The following UNC13C variants were observed in gnomAD, a reference collection of about 807,000 sequenced individuals.
UNC13C encodes protein unc-13 homolog C.
UNC13C carries 174 observed loss-of-function variants against 245.4 expected under a neutral mutation model. The observed-to-expected ratio is 0.71, with a 90% CI of 0.63 to 0.80. The LOEUF (loss-of-function observed/expected upper bound fraction) is 0.80, where lower values mean the gene tolerates loss of function less well. Ranked by LOEUF, UNC13C falls within the 30% of genes least tolerant of loss-of-function variation. The pLI, the probability that UNC13C is intolerant of heterozygous loss-of-function variation, is 0.00. For synonymous variants in UNC13C, 992 were observed against 895.1 expected (o/e 1.11, Z -1.93); for missense variants, 2,829 against 2,602.9 (o/e 1.09, Z -1.89).
chr15:54,169,735 T>A (rs2141281413), intron 4 of UNC13C, among the ~76,000 whole-genome samples: 1 of 152,222 alleles, frequency 6.6e-6, no homozygotes, highest in South Asian at 2.1e-4. Context: ...TTGGGACACA[T>A]CACCTCTCCT....
chr15:53,934,621 T>A, the UNC13C span, among the ~76,000 whole-genome samples: 1 of 152,186 alleles, frequency 6.6e-6, no homozygotes, highest in African/African-American at 2.4e-5. Context: ...TCGTAGAAGG[T>A]ATATGTCTTA....
intron 4 of UNC13C, among the ~76,000 whole-genome samples, chr15:54,163,812 T>A (rs186363066): frequency 4.6e-5 from 7 of 152,326 alleles, no homozygotes; most frequent in African/African-American, 1.7e-4. Flanking sequence ...TTACTTGGAA[T>A]CAGAAGAAAT....
intron 22 of UNC13C, among the ~76,000 whole-genome samples, chr15:54,506,673 G>A (rs951046716): frequency 6.6e-6 from 1 of 152,010 alleles, no homozygotes; most frequent in African/African-American, 2.4e-5. Flanking sequence ...TCTTTGGAGT[G>A]TCTCCCTCAG....
chr15:54,597,691 A>C (rs1899172557), intron 30 of UNC13C, among the ~76,000 whole-genome samples: 1 of 152,340 alleles, frequency 6.6e-6, no homozygotes, highest in East Asian at 1.9e-4. Flanking sequence ...ATTTGAGTAA[A>C]TAAATTAGTG....
rs116526467 is a variant in UNC13C at position 54,343,497 on chromosome 15, T to G, written c.4713+5008T>G. Among the ~76,000 whole-genome samples the G allele has an allele frequency of 8.4e-3, 1,283 of 152,258 alleles. 22 individuals are homozygous for G. Among genetic ancestry groups the G allele is most frequent in the African/African-American group, 0.029 (1,214 of 41,558 alleles). ...AGGTTCAGTTTCCTACTCCTCACAC[T>G]CCTGAACCAAACTGCTCTGCTCTCA... is the stretch of plus-strand genomic sequence containing the variant. On this transcript the variant is annotated intron_variant, in intron 17 of 32. Transcript: ENST00000260323.
chr15:53,929,965 T>G, the UNC13C span, among the ~76,000 whole-genome samples: 2 of 152,156 alleles, frequency 1.3e-5, no homozygotes, highest in Admixed American at 6.5e-5. Flanking sequence ...AACAAACTAC[T>G]CATAACAAAG....
chr15:54,237,157 A>G (rs2035723185), intron 6 of UNC13C, among the ~76,000 whole-genome samples: 1 of 152,228 alleles, frequency 6.6e-6, no homozygotes, highest in Non-Finnish European at 1.5e-5. Flanking sequence ...TAGATATGGA[A>G]GAATATTCTA....
chr15:54,360,206 T>C (rs1461277036), intron 17 of UNC13C, among the ~76,000 whole-genome samples: 1 of 152,062 alleles, frequency 6.6e-6, no homozygotes, highest in Non-Finnish European at 1.5e-5. Context: ...TAGTAAGACC[T>C]GTTCTGTGAC....
chr15:54,622,481 C>G, intron 31 of UNC13C, 62 bp downstream of exon 31: 1 of 1,220,650 alleles, frequency 8.2e-7, no homozygotes, highest in South Asian at 1.3e-5. Flanking sequence ...GTACTGATAT[C>G]AGCAATGTAA....
the UNC13C span, among the ~76,000 whole-genome samples, chr15:53,882,590 C>T: frequency 6.6e-6 from 1 of 151,970 alleles, no homozygotes; most frequent in Non-Finnish European, 1.5e-5. Context: ...CCATTTGGTA[C>T]GATAACAGGG....
At chr15:54,606,207 T>A (rs1191431913) in intron 30 of UNC13C, among the ~76,000 whole-genome samples, 1 of 152,234 alleles carries the variant, frequency 6.6e-6, no homozygotes, top group East Asian at 1.9e-4. Context: ...TCTCTGAAGT[T>A]GAATCAATAT....
chr15:53,862,846 T>G, the UNC13C span, among the ~76,000 whole-genome samples: 1 of 152,096 alleles, frequency 6.6e-6, no homozygotes. Flanking sequence ...AGCATATGAT[T>G]TGAGGGGTAA....
chr15:54,033,620 A>T (rs1036811441), intron 2 of UNC13C, among the ~76,000 whole-genome samples: 1 of 152,178 alleles, frequency 6.6e-6, no homozygotes, highest in Non-Finnish European at 1.5e-5. Flanking sequence ...AATCCCCTAA[A>T]GTTTTGGAGA....
At chr15:54,618,344 T>C (rs1301650239) in intron 30 of UNC13C, among the ~76,000 whole-genome samples, 1 of 152,140 alleles carries the variant, frequency 6.6e-6, no homozygotes, top group East Asian at 1.9e-4. Flanking sequence ...AAGGGCATGT[T>C]GTAGACACAC....
At chr15:54,365,775 A>T (rs920376663) in intron 17 of UNC13C, among the ~76,000 whole-genome samples, 5 of 151,616 alleles carry the variant, frequency 3.3e-5, no homozygotes, top group African/African-American at 9.7e-5. Flanking sequence ...AAAAAAAAAA[A>T]CTTGACCCAA....
At chr15:54,281,865 T>G (rs1386782693) in intron 10 of UNC13C, among the ~76,000 whole-genome samples, 1 of 152,208 alleles carries the variant, frequency 6.6e-6, no homozygotes, top group Non-Finnish European at 1.5e-5. Flanking sequence ...CATTTTTATT[T>G]TTTTTCTTGT....
At chr15:54,204,288 A>T (rs59706576) in intron 4 of UNC13C, among the ~76,000 whole-genome samples, 11,657 of 140,202 alleles carry the variant, frequency 0.083, 682 homozygotes, top group African/African-American at 0.16. Context: ...ACCTATTGAC[A>T]TAAAAAGATT....
intron 30 of UNC13C, among the ~76,000 whole-genome samples, chr15:54,582,474 G>C (rs143308952): frequency 6.6e-6 from 1 of 152,312 alleles, no homozygotes; most frequent in African/African-American, 2.4e-5. Flanking sequence ...TGAATCCTGT[G>C]CAGCCTTTGC....
At chr15:54,403,746 C>CAAAAAAAAAAAA (rs2040236678) in intron 18 of UNC13C, among the ~76,000 whole-genome samples, 1 of 133,704 alleles carries the variant, frequency 7.5e-6, no homozygotes, top group Non-Finnish European at 1.6e-5. Flanking sequence ...AAAAGGCTTA[C>CAAAAAAAAAAAA]ATAGATCCAT....
Sources: gnomAD v4.1 joint callset for allele counts (sites outside exome capture counted in the v4.1 genomes callset) on GRCh38, gnomAD v4.1.1 for gene constraint, MANE v1.5 for transcripts, NCBI Gene and HGNC (gene_info 2026-07-23, HGNC 2026-07-21) for gene names.